The following DORIP1 variants were observed in gnomAD, a reference collection of about 807,000 sequenced individuals.
The protein encoded by DORIP1 is dopamine receptor interacting protein 1, also known as dopamine receptor-interacting protein 1.
At chr14:44,897,781 G>A in the DORIP1 span, among the ~76,000 whole-genome samples, 10 of 152,312 alleles carry the variant, frequency 6.6e-5, no homozygotes, top group East Asian at 1.7e-3. Flanking sequence ...CCCAGGGCCA[G>A]GGTGGGCGTG....
chr14:44,904,805 T>A, the DORIP1 span: 1 of 271,622 alleles, frequency 3.7e-6, no homozygotes, highest in South Asian at 1.1e-4. Context: ...CTTAACCAGT[T>A]TACATGTCAG....
At chr14:44,900,782 A>G in the DORIP1 span, 1 of 1,614,190 alleles carries the variant, frequency 6.2e-7, no homozygotes, top group Non-Finnish European at 8.5e-7. Context: ...ATGGAAAAAC[A>G]GCAATACAAA....
the DORIP1 span, chr14:44,905,660 T>C: frequency 2.7e-6 from 2 of 734,074 alleles, no homozygotes; most frequent in South Asian, 8.2e-5. Context: ...ACTATACTAG[T>C]TTCAGAAGTG....
At chr14:44,899,596 T>C in the DORIP1 span, among the ~76,000 whole-genome samples, 1 of 152,028 alleles carries the variant, frequency 6.6e-6, no homozygotes, top group Non-Finnish European at 1.5e-5. Context: ...ATAGTTTTTC[T>C]CTACAACAAA....
chr14:44,903,166 A>G, the DORIP1 span: 1 of 1,379,598 alleles, frequency 7.2e-7, no homozygotes, highest in South Asian at 1.2e-5. Flanking sequence ...AAGATATAAA[A>G]TGTTGAAGCA....
At chr14:44,904,542 G>A in the DORIP1 span, 1 of 1,557,676 alleles carries the variant, frequency 6.4e-7, no homozygotes, top group Non-Finnish European at 8.6e-7. Flanking sequence ...AGGTGTTTTT[G>A]TTGTTGTTTC....
chr14:44,900,485 A>C, the DORIP1 span: 3 of 1,569,030 alleles, frequency 1.9e-6, no homozygotes, highest in Admixed American at 4.2e-5. Flanking sequence ...AATAACTATA[A>C]CCAAGATCGA....
chr14:44,904,312 T>G, the DORIP1 span: 51 of 1,506,216 alleles, frequency 3.4e-5, no homozygotes, highest in Non-Finnish European at 4.3e-5. Context: ...ATAAGAAAAT[T>G]AAAGTCATAA....
chr14:44,897,652 C>G, the DORIP1 span: 3 of 156,434 alleles, frequency 1.9e-5, no homozygotes, highest in African/African-American at 4.8e-5. Context: ...CCTATTTGTC[C>G]GCAGTTCTGA....
chr14:44,900,957 A>G, the DORIP1 span: 1 of 1,563,708 alleles, frequency 6.4e-7, no homozygotes, highest in South Asian at 1.2e-5. Context: ...CAATTAATAT[A>G]AAGTAAGTTG....
chr14:44,898,984 A>C, the DORIP1 span: 2 of 152,334 alleles, frequency 1.3e-5, no homozygotes, highest in Admixed American at 1.3e-4. Flanking sequence ...AAAGATGGTC[A>C]AAATAAGACA....
the DORIP1 span, among the ~76,000 whole-genome samples, chr14:44,899,967 G>T: frequency 1.1e-3 from 171 of 151,990 alleles, no homozygotes; most frequent in Non-Finnish European, 1.1e-3. Context: ...GAGTAGCTGG[G>T]ATTACAGGCA....
At chr14:44,898,494 A>G in the DORIP1 span, among the ~76,000 whole-genome samples, 1 of 152,226 alleles carries the variant, frequency 6.6e-6, no homozygotes, top group East Asian at 1.9e-4. Flanking sequence ...ATCCGAACTC[A>G]GGCTCTTTAA....
At chr14:44,897,951 C>G in the DORIP1 span, among the ~76,000 whole-genome samples, 1 of 152,204 alleles carries the variant, frequency 6.6e-6, no homozygotes, top group East Asian at 1.9e-4. Context: ...CTTAGGGAGT[C>G]TGGCGTTCAA....
the DORIP1 span, among the ~76,000 whole-genome samples, chr14:44,900,216 G>C: frequency 6.6e-6 from 1 of 152,060 alleles, no homozygotes; most frequent in Non-Finnish European, 1.5e-5. Flanking sequence ...ATGGCCATCT[G>C]TACCTCAAAA....
the DORIP1 span, chr14:44,904,455 T>C: frequency 6.2e-7 from 1 of 1,612,158 alleles, no homozygotes; most frequent in Admixed American, 1.7e-5. Context: ...CCCCTTTTGT[T>C]GTCTTAAATA....
chr14:44,903,981 A>G, the DORIP1 span: 1 of 978,114 alleles, frequency 1.0e-6, no homozygotes, highest in Non-Finnish European at 1.2e-6. Flanking sequence ...TTAATACCTC[A>G]TAATATGAGG....
chr14:44,900,888 A>G, the DORIP1 span: 1 of 1,613,832 alleles, frequency 6.2e-7, no homozygotes, highest in Non-Finnish European at 8.5e-7. Flanking sequence ...CTACCATTCA[A>G]GAGAGTTACT....
At chr14:44,897,463 G>T in the DORIP1 span, 2 of 213,268 alleles carry the variant, frequency 9.4e-6, no homozygotes, top group South Asian at 6.1e-5. Context: ...GGTACTCATA[G>T]ATGAGGCAGC....
Sources: allele counts gnomAD v4.1 joint callset (sites outside exome capture counted in the v4.1 genomes callset), GRCh38; gene constraint gnomAD v4.1.1; transcripts MANE v1.5; gene names NCBI Gene and HGNC (gene_info 2026-07-23, HGNC 2026-07-21).